PTPRQ: variants seen among roughly 807,000 people sequenced by gnomAD.
The protein encoded by PTPRQ is phosphatidylinositol phosphatase PTPRQ.
PTPRQ carries 199 observed loss-of-function variants against 246.0 expected under a neutral mutation model. The observed-to-expected ratio is 0.81, with a 90% CI of 0.72 to 0.91. The LOEUF (loss-of-function observed/expected upper bound fraction) is 0.91, where lower values mean the gene tolerates loss of function less well. PTPRQ is among the 40% of genes least tolerant of loss of function. The probability of loss-of-function intolerance (pLI) is 0.00; values close to 1 mark genes in which losing one functional copy is unlikely to be tolerated. For missense variants in PTPRQ, 2,624 were observed against 2,528.4 expected (o/e 1.04, Z -0.81); for synonymous variants, 869 against 853.2 (o/e 1.02, Z -0.32).
Position 80,455,594 on chromosome 12 carries a change from G to GT in PTPRQ, c.391-1967dup, listed in dbSNP as rs35890290. Among the ~76,000 whole-genome samples the GT allele has an allele frequency of 7.2e-3, 979 of 135,076 alleles. 7 individuals are homozygous for GT. Among genetic ancestry groups the GT allele is most frequent in the Non-Finnish European group, 0.011 (718 of 62,684 alleles). 88.6% of individuals were successfully genotyped at this position (135,076 alleles called of 152,430 possible). The stretch of plus-strand genomic sequence containing the variant: ...AAAAAGTCTCGTCCTTTACATAGTT[G>GT]TTTTTTTTTTTTTTGAGATGGACTC... On this transcript the variant is annotated intron_variant, in intron 3 of 44. Transcript: ENST00000644991.
chr12:80,523,540 G>A (rs1321245274), intron 17 of PTPRQ, among the ~76,000 whole-genome samples: 1 of 152,122 alleles, frequency 6.6e-6, no homozygotes, highest in African/African-American at 2.4e-5. Flanking sequence ...CTTTGAATGT[G>A]TCCCAGATAT....
intron 26 of PTPRQ, among the ~76,000 whole-genome samples, chr12:80,597,515 G>C (rs546933195): frequency 5.1e-4 from 77 of 152,088 alleles, no homozygotes; most frequent in Admixed American, 1.6e-3. Flanking sequence ...TTGATGGCTT[G>C]ATACATGTTT....
intron 17 of PTPRQ, among the ~76,000 whole-genome samples, chr12:80,533,207 A>G (rs1397079329): frequency 2.0e-5 from 3 of 152,004 alleles, no homozygotes; most frequent in Non-Finnish European, 2.9e-5. Context: ...ACACATGTTC[A>G]TTTTTTGGTT....
At chr12:80,589,996 T>A (rs1188702675) in intron 26 of PTPRQ, among the ~76,000 whole-genome samples, 2 of 152,202 alleles carry the variant, frequency 1.3e-5, no homozygotes, top group African/African-American at 2.4e-5. Flanking sequence ...TCTGCTTACA[T>A]CTTGACTATT....
At position 80,549,546 on chromosome 12, in the gene PTPRQ, C is replaced by G. The variant is rs1053189425; in HGVS notation, c.4097C>G (p.Ala1366Gly). ...GTGAAATGGGATCCACCCAAAAAGG[C>G]AAATGGAATAATAACGCAGTATATG... is the stretch of plus-strand genomic sequence containing the variant. ...VLVKWDPPKK[A>G]NGIITQYMVT... The change falls in exon 25 of 45, where the codon GCA (alanine) becomes GGA (glycine). Residue 1366 changes from alanine (A) to glycine (G), a missense_variant. By Grantham distance (60) the Ala-to-Gly change is moderately conservative. Coordinates refer to ENST00000644991, the MANE Select transcript of PTPRQ (RefSeq NM_001145026.2). 3.2e-6 allele frequency: 5 copies of G among 1,550,944 alleles called. No individual in the cohort carries two copies. Among genetic ancestry groups the G allele is most frequent in the Non-Finnish European group, 4.4e-6 (5 of 1,146,560 alleles).
chr12:80,644,641 A>G (rs1748136851), intron 35 of PTPRQ, among the ~76,000 whole-genome samples: 1 of 152,026 alleles, frequency 6.6e-6, no homozygotes. Context: ...AGTTTTTCCT[A>G]TTAGGAATTT....
rs1565775527 is a variant in PTPRQ at position 80,542,334 on chromosome 12, A to G, written c.3691A>G (p.Ser1231Gly). ...AACTAGAAAAGGACTTGGTCCTTCC[A>G]GTATTCTTTTCTTTTACACAGATGA... ...ARTRKGLGPS[S>G]ILFFYTDESV... The change falls in exon 22 of 45, where the codon AGT (serine) becomes GGT (glycine). Residue 1231 changes from serine (S) to glycine (G), a missense_variant. Physicochemically the swap from Ser to Gly is moderately conservative, Grantham distance 56. Coordinates refer to ENST00000644991, the MANE Select transcript of PTPRQ (RefSeq NM_001145026.2). 3.9e-6 allele frequency: 6 copies of G among 1,545,046 alleles called. No individual in the cohort carries two copies. Among genetic ancestry groups the G allele is most frequent in the Non-Finnish European group, 5.2e-6 (6 of 1,145,454 alleles).
intron 25 of PTPRQ, among the ~76,000 whole-genome samples, chr12:80,551,726 G>A (rs969207120): frequency 2.0e-5 from 3 of 151,894 alleles, no homozygotes; most frequent in African/African-American, 7.3e-5. Flanking sequence ...CTTCTCTCTA[G>A]CTTTTTATTC....
intron 25 of PTPRQ, among the ~76,000 whole-genome samples, chr12:80,562,936 A>G (rs902829742): frequency 2.0e-5 from 3 of 152,086 alleles, no homozygotes; most frequent in Non-Finnish European, 4.4e-5. Flanking sequence ...CACTGCAGAC[A>G]TAAAAAAAAA....
chr12:80,613,246 T>G (rs1220005138), intron 28 of PTPRQ, among the ~76,000 whole-genome samples: 4 of 150,646 alleles, frequency 2.7e-5, no homozygotes, highest in Non-Finnish European at 6.0e-5. Flanking sequence ...GTCCTGTTTT[T>G]GCCACTTCTT....
intron 3 of PTPRQ, among the ~76,000 whole-genome samples, chr12:80,455,744 C>G (rs1160273670): frequency 1.3e-5 from 2 of 150,002 alleles, no homozygotes; most frequent in Non-Finnish European, 3.0e-5. Context: ...GCGCCCGCCA[C>G]CATGCCCGGC....
intron 28 of PTPRQ, 31 bp from the exon 29 acceptor site, chr12:80,613,561 T>A (rs1315765570): frequency 5.3e-5 from 78 of 1,466,196 alleles, no homozygotes; most frequent in Non-Finnish European, 6.5e-5. Context: ...ACAATATTTT[T>A]AAAAATTAAT....
At chr12:80,523,460 G>A (rs1895576179) in intron 17 of PTPRQ, among the ~76,000 whole-genome samples, 1 of 152,058 alleles carries the variant, frequency 6.6e-6, no homozygotes, top group South Asian at 2.1e-4. Flanking sequence ...TGATGTTAGG[G>A]TGTCAATTTT....
At chr12:80,593,646 T>TA (rs756785456) in intron 26 of PTPRQ, 3 of 152,148 alleles carry the variant, frequency 2.0e-5, no homozygotes, top group Non-Finnish European at 2.9e-5. Context: ...ATAAAAATTT[T>TA]AAAAAATGGC....
chr12:80,614,305 A>T (rs1565819672), intron 29 of PTPRQ, among the ~76,000 whole-genome samples: 1 of 150,948 alleles, frequency 6.6e-6, no homozygotes, highest in East Asian at 1.9e-4. Context: ...AATTCCCTAT[A>T]TTTGGACAGA....
chr12:80,531,209 A>G (rs1592621545), intron 17 of PTPRQ, among the ~76,000 whole-genome samples: 1 of 152,278 alleles, frequency 6.6e-6, no homozygotes, highest in African/African-American at 2.4e-5. Flanking sequence ...CTAAATAACT[A>G]TGATATATCC....
At chr12:80,621,093 C>T (rs1898967997) in intron 32 of PTPRQ, among the ~76,000 whole-genome samples, 1 of 151,574 alleles carries the variant, frequency 6.6e-6, no homozygotes, top group Admixed American at 6.6e-5. Flanking sequence ...TTCATTTGTG[C>T]CTGTTAGTTA....
chr12:80,648,431 T>G (rs1900147967), intron 35 of PTPRQ, among the ~76,000 whole-genome samples: 2 of 152,114 alleles, frequency 1.3e-5, no homozygotes, highest in African/African-American at 2.4e-5. Flanking sequence ...GTTGTTGCTG[T>G]GTATTTATCC....
chr12:80,595,714 C>A (rs958496309), intron 26 of PTPRQ, among the ~76,000 whole-genome samples: 2 of 135,754 alleles, frequency 1.5e-5, no homozygotes, highest in East Asian at 5.1e-4. Flanking sequence ...ATCCCTCCCC[C>A]CTCCCCCCAT....
Sources: gnomAD v4.1 joint callset for allele counts (sites outside exome capture counted in the v4.1 genomes callset) on GRCh38, gnomAD v4.1.1 for gene constraint, MANE v1.5 for transcripts, NCBI Gene and HGNC (gene_info 2026-07-23, HGNC 2026-07-21) for gene names.